Variants in PARD3B observed in about 807,000 individuals in gnomAD.
The protein encoded by PARD3B is par-3 family cell polarity regulator beta.
A neutral mutation model predicts 130.2 loss-of-function variants in PARD3B; 103 were observed. The ratio of observed to expected loss-of-function variants is 0.79; its 90% CI spans 0.67 to 0.93. The LOEUF is 0.93. PARD3B is among the 40% of genes least tolerant of loss of function. The pLI is 0.00. For missense variants in PARD3B, 1,609 were observed against 1,499.2 expected (o/e 1.07, Z -1.21); for synonymous variants, 583 against 553.2 (o/e 1.05, Z -0.76).
intron 4 of PARD3B, among the ~76,000 whole-genome samples, chr2:205,084,795 G>A (rs1010721831): frequency 6.6e-6 from 1 of 151,708 alleles, no homozygotes; most frequent in African/African-American, 2.4e-5. Flanking sequence ...GCTCTTTAGT[G>A]TCTATTCAGG....
At chr2:205,131,925 C>G (rs373804263) in intron 10 of PARD3B, among the ~76,000 whole-genome samples, 1 of 151,988 alleles carries the variant, frequency 6.6e-6, no homozygotes, top group Non-Finnish European at 1.5e-5. Flanking sequence ...ACCTGGAATC[C>G]GTCACACCTG....
At chr2:204,616,762 C>T (rs1489370542) in intron 1 of PARD3B, among the ~76,000 whole-genome samples, 3 of 152,296 alleles carry the variant, frequency 2.0e-5, no homozygotes, top group South Asian at 2.1e-4. Context: ...ATGGTACATC[C>T]AGACAATGGA....
Position 204,545,492 on chromosome 2 carries a change from C to T in PARD3B, c.-508C>T, listed in dbSNP as rs1693200797. Among the ~76,000 whole-genome samples, 1 of 152,014 alleles carries T rather than the reference C, an allele frequency of 6.6e-6. No individual in the cohort carries two copies. Among genetic ancestry groups the T allele is most frequent in the Admixed American group, 6.5e-5 (1 of 15,278 alleles). On this transcript the variant is annotated 5_prime_UTR_variant, in exon 1 of 23. Transcript: ENST00000406610. Reference sequence around the variant, plus strand: ...TCGCCGGGACCGCAGGAGCCCAGAGCGCGGGCGCCGCAGAGGAGTTGGGAG... The same window carrying T: ...TCGCCGGGACCGCAGGAGCCCAGAGTGCGGGCGCCGCAGAGGAGTTGGGAG...
intron 2 of PARD3B, among the ~76,000 whole-genome samples, chr2:204,789,589 AT>A (rs1559146101): frequency 6.6e-6 from 1 of 152,232 alleles, no homozygotes; most frequent in Non-Finnish European, 1.5e-5. Context: ...TAATTCTGCA[AT>A]GAAGCAAGAA....
At chr2:204,869,697 G>A (rs139360034) in intron 2 of PARD3B, among the ~76,000 whole-genome samples, 1 of 152,048 alleles carries the variant, frequency 6.6e-6, no homozygotes, top group Non-Finnish European at 1.5e-5. Flanking sequence ...GCTGAGACAT[G>A]GAGGTAATGA....
chr2:204,654,002 C>G (rs12694008), intron 1 of PARD3B, among the ~76,000 whole-genome samples: 10 of 150,756 alleles, frequency 6.6e-5, no homozygotes, highest in South Asian at 4.2e-4. Flanking sequence ...ATGAGAGTCT[C>G]CAGTTTAAAA....
intron 21 of PARD3B, among the ~76,000 whole-genome samples, chr2:205,540,652 G>A (rs1031343752): frequency 2.0e-5 from 3 of 151,336 alleles, no homozygotes; most frequent in African/African-American, 4.9e-5. Context: ...TAGAAGCCAC[G>A]GTGGATTTTC....
Position 205,300,601 on chromosome 2 carries a change from G to C in PARD3B, c.2257G>C (p.Ala753Pro). ...KSSSLESLQT[A>P]VAEVRKNDLP... ...CAGCTCCTTGGAGAGTCTGCAGACT[G>C]CAGTGGCCGAGGTCAGGAAGAATGA... Residue 753 changes from alanine (A) to proline (P), a missense_variant, in exon 17 of 23, where the codon GCA becomes CCA. Transcript: ENST00000406610. The surrounding 1 kb of genome is among the most constrained non-coding windows in gnomAD (Gnocchi z 4.1). 1 of 1,613,978 alleles carries C rather than the reference G, an allele frequency of 6.2e-7. No individual in the cohort carries two copies.
At chr2:205,457,027 T>A (rs2048301144) in intron 20 of PARD3B, among the ~76,000 whole-genome samples, 1 of 151,752 alleles carries the variant, frequency 6.6e-6, no homozygotes, top group Non-Finnish European at 1.5e-5. Context: ...AAGTATTACC[T>A]CCCCTTCTTT....
chr2:204,681,598 C>G (rs570628917), intron 1 of PARD3B, among the ~76,000 whole-genome samples: 1 of 152,278 alleles, frequency 6.6e-6, no homozygotes, highest in South Asian at 2.1e-4. Context: ...TTGATTCTTT[C>G]CTTTCACGTG....
rs1346512744 is a variant in PARD3B at position 204,678,682 on chromosome 2, G to A, written c.121-7499G>A. On this transcript the variant is annotated intron_variant, in intron 1 of 22. Transcript: ENST00000406610. The surrounding 1 kb of genome is among the most constrained non-coding windows in gnomAD (Gnocchi z 4.2). ...ATGCGCAGTTGCTTCTCCTCTCGAT[G>A]TTCAGCCGCTTGTCTCTCTGCCAGC... 6.6e-6 allele frequency among the ~76,000 whole-genome samples: 1 copy of A among 152,098 alleles called. No individual in the cohort carries two copies. The highest frequency in any genetic ancestry group is 1.9e-4 in the East Asian group (1 of 5,190).
In PARD3B at chr2:205,305,559, A is replaced by G. The variant is rs567936645; in HGVS notation, c.2630+3858A>G. Among the ~76,000 whole-genome samples the G allele has an allele frequency of 1.4e-4, 21 of 152,328 alleles. No individual in the cohort carries two copies. In the South Asian group the frequency reaches 4.3e-3, roughly 32 times the overall value. On this transcript the variant is annotated intron_variant, in intron 18 of 22. Transcript: ENST00000406610. ...TATGAACTGTGAGTTAACCATCTTG[A>G]TGATAATGACAACATGTAATTGCAA...
chr2:204,863,112 T>A (rs1178616600), intron 2 of PARD3B, among the ~76,000 whole-genome samples: 1 of 152,192 alleles, frequency 6.6e-6, no homozygotes, highest in Non-Finnish European at 1.5e-5. Context: ...GGCTTGAAGA[T>A]GGAATTTCGC....
intron 1 of PARD3B, among the ~76,000 whole-genome samples, chr2:204,660,715 C>G (rs533847840): frequency 7.2e-4 from 109 of 152,200 alleles, no homozygotes; most frequent in African/African-American, 2.5e-3. Flanking sequence ...TGATTTATCC[C>G]CCCTCTGTGA....
rs147868391 is a variant in PARD3B at position 204,849,586 on chromosome 2, C to A, written c.223-115566C>A. Among the ~76,000 whole-genome samples, 323 of 152,272 alleles carry A rather than the reference C, an allele frequency of 2.1e-3. 3 individuals carry two copies. In the East Asian group the frequency reaches 0.032, roughly 15 times the overall value. ...TTATTACAATGTTATCATCCCAAAA[C>A]GCTAATTTGCATAATCTTTAAAAGA... On this transcript the variant is annotated intron_variant, in intron 2 of 22. Transcript: ENST00000406610.
At chr2:205,419,410 C>G (rs926145914) in intron 19 of PARD3B, among the ~76,000 whole-genome samples, 2 of 152,108 alleles carry the variant, frequency 1.3e-5, no homozygotes, top group Non-Finnish European at 2.9e-5. Context: ...ATCACTCAGT[C>G]TTAGGTATGT....
At chr2:204,700,481 G>A (rs191917633) in intron 2 of PARD3B, among the ~76,000 whole-genome samples, 1 of 152,174 alleles carries the variant, frequency 6.6e-6, no homozygotes, top group East Asian at 1.9e-4. Context: ...CTTCATATAA[G>A]GAGAGGAATA....
chr2:204,607,655 G>T (rs568031404), intron 1 of PARD3B, among the ~76,000 whole-genome samples: 7 of 152,104 alleles, frequency 4.6e-5, no homozygotes, highest in Non-Finnish European at 5.9e-5. Context: ...GGGAACAAAG[G>T]ATTTGGGAAT....
chr2:205,453,592 A>T (rs2048175580), intron 20 of PARD3B, among the ~76,000 whole-genome samples: 1 of 152,274 alleles, frequency 6.6e-6, no homozygotes, highest in Non-Finnish European at 1.5e-5. Flanking sequence ...GACACAGATA[A>T]TAAGTCGGCA....
Sources: gnomAD v4.1 joint callset for allele counts (sites outside exome capture counted in the v4.1 genomes callset) on GRCh38, gnomAD v4.1.1 for gene constraint, Gnocchi (gnomAD v3.1) non-coding constraint, MANE v1.5 for transcripts, NCBI Gene and HGNC (gene_info 2026-07-23, HGNC 2026-07-21) for gene names.